Variants in STPG2 observed in about 807,000 individuals in gnomAD.
STPG2 encodes the protein sperm-tail PG-rich repeat-containing protein 2.
Under a neutral mutation model 54.2 loss-of-function variants are expected in STPG2, and 56 were observed. That is an observed-to-expected ratio of 1.03 (90% confidence interval 0.83 to 1.29). The LOEUF is 1.29. STPG2 is among the 50% of genes most tolerant of loss of function. The pLI, the probability that STPG2 is intolerant of heterozygous loss-of-function variation, is 0.00. For synonymous variants in STPG2, 200 were observed against 181.8 expected, an observed-to-expected ratio of 1.10 and a Z score of -0.81; for missense variants, 596 against 544.9, an observed-to-expected ratio of 1.09 and a Z score of -0.93.
chr4:97,688,765 T>C (rs1477593353), intron 10 of STPG2, among the ~76,000 whole-genome samples: 3 of 152,282 alleles, frequency 2.0e-5, no homozygotes, highest in East Asian at 3.9e-4. Context: ...TCTTATAGAA[T>C]AATGAAGAAA....
At chr4:97,964,465 TA>T (rs527519735) in intron 7 of STPG2, among the ~76,000 whole-genome samples, 11 of 152,068 alleles carry the variant, frequency 7.2e-5, no homozygotes, top group East Asian at 1.9e-4. Flanking sequence ...CTCTTAATGA[TA>T]AAAAAAGAAT....
chr4:97,972,339 G>A lies in STPG2; in HGVS notation c.874C>T (p.Arg292Trp), dbSNP rs199644011. 38 of 1,610,244 alleles carry A rather than the reference G, an allele frequency of 2.4e-5. No individual in the cohort carries two copies. Among genetic ancestry groups the A allele is most frequent in the Middle Eastern group, 1.7e-4 (1 of 6,050 alleles). Residue 292 changes from arginine (R) to tryptophan (W), a missense_variant, in exon 7 of 11, where the codon CGG (arginine) becomes TGG (tryptophan). By Grantham distance (101) the Arg-to-Trp change is moderately radical. Transcript: ENST00000295268. ...KKSAFGSSVP[R>W]TFFSVQKEAC... ...TCTTTCTGAACCGAGAAGAAAGTCCGAGGAACAGAAGAACCAAATGCACTT... is the reference window on the plus strand; with the variant it reads ...TCTTTCTGAACCGAGAAGAAAGTCCAAGGAACAGAAGAACCAAATGCACTT...
chr4:97,590,318 A>G (rs936372012), intron 10 of STPG2, among the ~76,000 whole-genome samples: 17 of 152,054 alleles, frequency 1.1e-4, no homozygotes, highest in Non-Finnish European at 1.6e-4. Flanking sequence ...AAGACTTACG[A>G]ACAGAAGCAA....
chr4:97,896,728 AT>A (rs1730969078), intron 8 of STPG2, among the ~76,000 whole-genome samples: 1 of 151,828 alleles, frequency 6.6e-6, no homozygotes, highest in African/African-American at 2.4e-5. Context: ...TAAAAATTAA[AT>A]GTTAATGAAA....
chr4:97,672,385 T>A (rs939254820), intron 10 of STPG2, among the ~76,000 whole-genome samples: 1 of 151,732 alleles, frequency 6.6e-6, no homozygotes, highest in Admixed American at 6.6e-5. Flanking sequence ...TCCAAGTTAG[T>A]CAGGCTGGTC....
chr4:97,867,212 C>T (rs1729824262), intron 8 of STPG2, among the ~76,000 whole-genome samples: 2 of 151,844 alleles, frequency 1.3e-5, no homozygotes, highest in South Asian at 4.1e-4. Context: ...AATCTTTTAT[C>T]TTTGGCTGCT....
At chr4:98,082,455 T>A (rs1738377022) in intron 5 of STPG2, among the ~76,000 whole-genome samples, 1 of 23,692 alleles carries the variant, frequency 4.2e-5, no homozygotes, top group South Asian at 2.4e-3. Context: ...TTTTTTTTTT[T>A]TTTTTTTTTT....
chr4:98,015,884 AG>A (rs1735929421), intron 5 of STPG2, among the ~76,000 whole-genome samples: 1 of 152,188 alleles, frequency 6.6e-6, no homozygotes, highest in African/African-American at 2.4e-5. Flanking sequence ...GCCATAAAGA[AG>A]GATGAGTTCA....
chr4:97,828,420 A>G (rs559916793), intron 9 of STPG2, among the ~76,000 whole-genome samples: 1 of 152,234 alleles, frequency 6.6e-6, no homozygotes, highest in African/African-American at 2.4e-5. Flanking sequence ...TCCAGTGCCT[A>G]TGCCATCAGG....
intron 4 of STPG2, among the ~76,000 whole-genome samples, chr4:97,534,518 A>G (rs1299655138): frequency 6.6e-6 from 1 of 152,098 alleles, no homozygotes; most frequent in African/African-American, 2.4e-5. Context: ...CTCCAGCAAC[A>G]TTTTTTGAAA....
intron 7 of STPG2, among the ~76,000 whole-genome samples, chr4:97,948,707 T>G (rs1352950222): frequency 6.6e-6 from 1 of 152,160 alleles, no homozygotes; most frequent in Non-Finnish European, 1.5e-5. Context: ...AATTTCTATG[T>G]ATAGGTATAG....
intron 7 of STPG2, among the ~76,000 whole-genome samples, chr4:97,964,412 G>T (rs988818304): frequency 2.6e-5 from 4 of 152,154 alleles, no homozygotes; most frequent in African/African-American, 9.7e-5. Context: ...AAAAGGAGGT[G>T]CAAGCAAAGG....
chr4:97,586,792 G>A (rs1733012755), intron 10 of STPG2, among the ~76,000 whole-genome samples: 1 of 151,890 alleles, frequency 6.6e-6, no homozygotes, highest in African/African-American at 2.4e-5. Flanking sequence ...AGAATTTGTT[G>A]CTAATCAACT....
At chr4:98,016,893 A>T (rs13137152) in intron 5 of STPG2, among the ~76,000 whole-genome samples, 60,272 of 151,992 alleles carry the variant, frequency 0.4, 12,199 homozygotes, top group Middle Eastern at 0.46. Flanking sequence ...ACTCTTTACA[A>T]ACAAGCTTCA....
At chr4:97,594,868 T>A (rs905099140) in intron 10 of STPG2, among the ~76,000 whole-genome samples, 4 of 152,104 alleles carry the variant, frequency 2.6e-5, no homozygotes, top group Non-Finnish European at 4.4e-5. Flanking sequence ...ATCACTGGCC[T>A]TCAGAGAAAT....
At chr4:97,512,748 A>G (rs943926332) in intron 4 of STPG2, among the ~76,000 whole-genome samples, 3 of 152,098 alleles carry the variant, frequency 2.0e-5, no homozygotes, top group Admixed American at 6.6e-5. Flanking sequence ...CGTACACCAG[A>G]CAGTAAAATA....
At chr4:97,565,518 T>C (rs537774796) in intron 10 of STPG2, among the ~76,000 whole-genome samples, 2 of 152,238 alleles carry the variant, frequency 1.3e-5, no homozygotes, top group Admixed American at 6.5e-5. Flanking sequence ...CTCTGCTTTT[T>C]AGAGTTTCCA....
At chr4:97,930,473 G>T (rs1303722884) in intron 8 of STPG2, among the ~76,000 whole-genome samples, 1 of 152,156 alleles carries the variant, frequency 6.6e-6, no homozygotes, top group Non-Finnish European at 1.5e-5. Context: ...ATTTGTTGAA[G>T]ATCAGATGGT....
intron 4 of STPG2, among the ~76,000 whole-genome samples, chr4:97,499,736 A>G (rs527753376): frequency 6.6e-6 from 1 of 152,082 alleles, no homozygotes; most frequent in East Asian, 2.0e-4. Flanking sequence ...AAAGGCTGGA[A>G]GGAAGTGAGA....
Sources: allele counts gnomAD v4.1 joint callset (sites outside exome capture counted in the v4.1 genomes callset), GRCh38; gene constraint gnomAD v4.1.1; transcripts MANE v1.5; gene names NCBI Gene and HGNC (gene_info 2026-07-23, HGNC 2026-07-21).